NRG3: variants seen among roughly 807,000 people sequenced by gnomAD.
NRG3 encodes the protein pro-neuregulin-3, membrane-bound isoform.
A neutral mutation model predicts 66.9 loss-of-function variants in NRG3; 31 were observed. The observed-to-expected ratio is 0.46, with a 90% CI of 0.35 to 0.63. The LOEUF (loss-of-function observed/expected upper bound fraction) is 0.63, where lower values mean the gene tolerates loss of function less well. NRG3 is among the 20% of genes least tolerant of loss of function. NRG3 has a pLI of 0.00. For synonymous variants in NRG3, 393 were observed against 359.4 expected (o/e 1.09, Z -1.06); for missense variants, 910 against 878.9 (o/e 1.04, Z -0.45).
chr10:82,883,481 C>G (rs2136075328), intron 4 of NRG3, among the ~76,000 whole-genome samples: 1 of 152,176 alleles, frequency 6.6e-6, no homozygotes, highest in African/African-American at 2.4e-5. Flanking sequence ...CATTAATTTT[C>G]CTGAGTCTCA....
At chr10:82,353,086 T>C (rs2083533590) in intron 1 of NRG3, among the ~76,000 whole-genome samples, 1 of 152,172 alleles carries the variant, frequency 6.6e-6, no homozygotes, top group Non-Finnish European at 1.5e-5. Flanking sequence ...AGAGAATGGC[T>C]ACTAGGTTTC....
intron 1 of NRG3, among the ~76,000 whole-genome samples, chr10:82,333,503 G>A (rs2082241543): frequency 6.6e-6 from 1 of 152,172 alleles, no homozygotes; most frequent in Admixed American, 6.5e-5. Flanking sequence ...AGTATAGGAG[G>A]CAGGGGCTTT....
chr10:82,258,556 G>A (rs1285322660), intron 1 of NRG3, among the ~76,000 whole-genome samples: 2 of 152,180 alleles, frequency 1.3e-5, no homozygotes, highest in Non-Finnish European at 2.9e-5. Flanking sequence ...CCGTAGTGCA[G>A]CAGGGCAAAT....
intron 1 of NRG3, among the ~76,000 whole-genome samples, chr10:82,183,999 A>G (rs2073625006): frequency 6.6e-6 from 1 of 152,022 alleles, no homozygotes; most frequent in South Asian, 2.1e-4. Context: ...ACTTTTTTGC[A>G]AGAGGAATAG....
chr10:82,049,032 C>T (rs1192181474), intron 1 of NRG3, among the ~76,000 whole-genome samples: 1 of 152,112 alleles, frequency 6.6e-6, no homozygotes, highest in African/African-American at 2.4e-5. Context: ...CATACACCCT[C>T]CCAGGACTAA....
At chr10:82,783,076 T>A (rs1035285856) in intron 3 of NRG3, among the ~76,000 whole-genome samples, 91 of 152,148 alleles carry the variant, frequency 6.0e-4, no homozygotes, top group African/African-American at 2.1e-3. Flanking sequence ...ATAAATGTAA[T>A]CCAGCATATA....
chr10:82,260,837 G>C (rs2077987702), intron 1 of NRG3, among the ~76,000 whole-genome samples: 1 of 152,194 alleles, frequency 6.6e-6, no homozygotes, highest in South Asian at 2.1e-4. Context: ...CAGCCTTCAT[G>C]TGGTAAAGGA....
chr10:82,553,858 A>T, intron 2 of NRG3, among the ~76,000 whole-genome samples: 1 of 152,200 alleles, frequency 6.6e-6, no homozygotes, highest in East Asian at 1.9e-4. Context: ...TATACTTGCC[A>T]TAAATACTCT....
At chr10:82,827,715 C>G (rs1311182836) in intron 3 of NRG3, among the ~76,000 whole-genome samples, 5 of 152,040 alleles carry the variant, frequency 3.3e-5, no homozygotes, top group African/African-American at 1.2e-4. Context: ...TTAATTCACT[C>G]GAAGCAGAGA....
At chr10:82,145,188 G>A (rs1028484717) in intron 1 of NRG3, among the ~76,000 whole-genome samples, 4 of 152,076 alleles carry the variant, frequency 2.6e-5, no homozygotes, top group South Asian at 2.1e-4. Context: ...ACTAGAACTC[G>A]GTATGGTGTA....
chr10:82,641,638 C>A (rs1438780516), intron 2 of NRG3, among the ~76,000 whole-genome samples: 2 of 152,120 alleles, frequency 1.3e-5, no homozygotes, highest in African/African-American at 4.8e-5. Context: ...CAGAAGCCAA[C>A]TGGCTGAATG....
chr10:82,882,898 C>A (rs1235839512), intron 4 of NRG3, among the ~76,000 whole-genome samples: 1 of 152,162 alleles, frequency 6.6e-6, no homozygotes, highest in Non-Finnish European at 1.5e-5. Flanking sequence ...ACCTGACAAA[C>A]CAATGATTAC....
chr10:82,800,265 T>C (rs992115276), intron 3 of NRG3, among the ~76,000 whole-genome samples: 1 of 152,252 alleles, frequency 6.6e-6, no homozygotes, highest in African/African-American at 2.4e-5. Flanking sequence ...TCTTTACTTT[T>C]CTGCGGAAGG....
chr10:82,248,785 A>G (rs1050628465), intron 1 of NRG3, among the ~76,000 whole-genome samples: 2 of 152,204 alleles, frequency 1.3e-5, no homozygotes, highest in African/African-American at 4.8e-5. Flanking sequence ...AAATTATTGT[A>G]AAACAAAGCT....
intron 1 of NRG3, among the ~76,000 whole-genome samples, chr10:82,053,222 T>C (rs1270410263): frequency 6.6e-6 from 1 of 152,070 alleles, no homozygotes; most frequent in African/African-American, 2.4e-5. Context: ...TTGTAATAAA[T>C]AATCTGATAT....
At chr10:82,004,962 C>A (rs2061328067) in intron 1 of NRG3, among the ~76,000 whole-genome samples, 1 of 152,164 alleles carries the variant, frequency 6.6e-6, no homozygotes, top group Non-Finnish European at 1.5e-5. Context: ...TTACGGCAGC[C>A]CTAGCAAATG....
At chr10:82,420,761 A>T (rs1324267879) in intron 2 of NRG3, among the ~76,000 whole-genome samples, 1 of 152,182 alleles carries the variant, frequency 6.6e-6, no homozygotes. Flanking sequence ...AACTGGAAAC[A>T]ACCCAAATTT....
At chr10:82,541,367 G>T (rs992611436) in intron 2 of NRG3, among the ~76,000 whole-genome samples, 2 of 152,132 alleles carry the variant, frequency 1.3e-5, no homozygotes, top group Admixed American at 6.5e-5. Flanking sequence ...GGAAGGAAAG[G>T]CCTTTATTCA....
chr10:81,948,079 C>T (rs545323917), intron 1 of NRG3, among the ~76,000 whole-genome samples: 1 of 152,284 alleles, frequency 6.6e-6, no homozygotes, highest in African/African-American at 2.4e-5. Flanking sequence ...AAAGATCATC[C>T]TTCAGACTCA....
Sources: gnomAD v4.1 joint callset for allele counts (sites outside exome capture counted in the v4.1 genomes callset) on GRCh38, gnomAD v4.1.1 for gene constraint, MANE v1.5 for transcripts, NCBI Gene and HGNC (gene_info 2026-07-23, HGNC 2026-07-21) for gene names.